The following NDUFS1 variants were observed in gnomAD, a reference collection of about 807,000 sequenced individuals.
The protein encoded by NDUFS1 is NADH:ubiquinone oxidoreductase core subunit S1.
A neutral mutation model predicts 84.4 loss-of-function variants in NDUFS1; 61 were observed. That is an observed-to-expected ratio of 0.72 (90% CI 0.59 to 0.89). NDUFS1 has a LOEUF of 0.89. NDUFS1 is among the 40% of genes least tolerant of loss of function. The probability of loss-of-function intolerance (pLI) is 0.00; values close to 1 mark genes in which losing one functional copy is unlikely to be tolerated. For synonymous variants in NDUFS1, 275 were observed against 290.0 expected (o/e 0.95, Z 0.53); for missense variants, 891 against 890.0 (o/e 1.00, Z -0.01).
chr2:206,157,342 G>A (rs1305313723), intron 1 of NDUFS1, among the ~76,000 whole-genome samples: 3 of 151,462 alleles, frequency 2.0e-5, no homozygotes, highest in Non-Finnish European at 4.4e-5. Flanking sequence ...TTACTAAACT[G>A]TAGGTTAGTA....
chr2:206,150,081 C>A lies in NDUFS1; in HGVS notation c.154-156G>T, dbSNP rs10168865. Among the ~76,000 whole-genome samples the A allele has an allele frequency of 0.027, 3,964 of 145,458 alleles. 178 individuals carry two copies. Among genetic ancestry groups the A allele is most frequent in the African/African-American group, 0.097 (3,769 of 38,704 alleles). On this transcript the variant is annotated intron_variant, in intron 3 of 18. Coordinates refer to ENST00000233190, the MANE Select transcript of NDUFS1 (RefSeq NM_005006.7). ...AATTCATTCTTATTTCAGTCCCTTT[C>A]TTTGCCTTTGATTCTAACCCGTCTC...
intron 13 of NDUFS1, among the ~76,000 whole-genome samples, chr2:206,137,381 G>T (rs1691759890): frequency 6.6e-6 from 1 of 152,016 alleles, no homozygotes; most frequent in Non-Finnish European, 1.5e-5. Context: ...GGCTAAGGCA[G>T]GAGAATGAAC....
intron 1 of NDUFS1, among the ~76,000 whole-genome samples, chr2:206,155,079 A>G (rs1188145546): frequency 1.3e-5 from 2 of 151,736 alleles, no homozygotes; most frequent in African/African-American, 4.8e-5. Flanking sequence ...ACAGGCATGC[A>G]CAACCATGCC....
At chr2:206,145,891 A>T (rs979745639) in intron 8 of NDUFS1, among the ~76,000 whole-genome samples, 2 of 152,184 alleles carry the variant, frequency 1.3e-5, no homozygotes, top group African/African-American at 4.8e-5. Flanking sequence ...GAGGATAGCC[A>T]AGATTTTACC....
At chr2:206,147,928 T>A (rs1265198572) in intron 5 of NDUFS1, 94 bp from the exon 6 acceptor site, 4 of 1,215,936 alleles carry the variant, frequency 3.3e-6, no homozygotes, top group African/African-American at 3.0e-5. Flanking sequence ...ACTTTATTTT[T>A]TTTTTTTGAG....
chr2:206,123,938 A>G lies in NDUFS1; in HGVS notation c.*247T>C. Reference sequence around the variant, plus strand: ...TTAAGGATCTCTTTATGTTCGTCACAAAGGTTATCAATGCTTTTAAGAGCA... The same window carrying G: ...TTAAGGATCTCTTTATGTTCGTCACGAAGGTTATCAATGCTTTTAAGAGCA... On this transcript the variant is annotated 3_prime_UTR_variant, in exon 19 of 19. Transcript: ENST00000233190. 1 of 417,064 alleles carries G rather than the reference A, an allele frequency of 2.4e-6. No homozygotes were observed. The highest frequency in any genetic ancestry group is 4.9e-5 in the South Asian group (1 of 20,596). 25.8% of individuals were successfully genotyped at this position (417,064 alleles called of 1,614,324 possible).
chr2:206,138,239 C>T (rs753144682), intron 13 of NDUFS1, among the ~76,000 whole-genome samples: 4 of 152,068 alleles, frequency 2.6e-5, no homozygotes, highest in Non-Finnish European at 5.9e-5. Flanking sequence ...TACAGGCGCA[C>T]GCTAACTTTG....
In NDUFS1 at chr2:206,145,020, TG is replaced by T; in HGVS notation, c.743del (p.Thr248LysfsTer6). ...FTARPWETRK[T>X]ESIDVMDAVG... ...CCGCATCCATTACATCAATGGATTC[TG>T]TCTTTCTGAGAAACACATACGGTGT... On this transcript the variant is annotated frameshift_variant, in exon 9 of 19. Coordinates refer to ENST00000233190, the MANE Select transcript of NDUFS1 (RefSeq NM_005006.7). LOFTEE classifies it high-confidence loss of function. The T allele has an allele frequency of 6.2e-7, 1 of 1,613,754 alleles. No homozygotes were observed. The highest frequency in any genetic ancestry group is 8.5e-7 in the Non-Finnish European group (1 of 1,179,810).
rs1215947548 is a variant in NDUFS1 at position 206,119,386 on chromosome 2, A to C, written c.*4799T>G. 1 of 152,144 alleles carries C rather than the reference A, an allele frequency of 6.6e-6. No homozygotes were observed. The highest frequency in any genetic ancestry group is 1.5e-5 in the Non-Finnish European group (1 of 68,012). The allele number at this position is 152,144 out of a possible 1,614,324, so 9.4% of individuals were successfully genotyped here. On this transcript the variant is annotated 3_prime_UTR_variant, in exon 19 of 19. Transcript: ENST00000233190. ...TGTCAACAACAAACAATAAATTGGT[A>C]CTGGGTATTGTCAAATATATTTTTT...
chr2:206,151,842 G>C (rs777864984), intron 3 of NDUFS1, among the ~76,000 whole-genome samples: 3 of 152,098 alleles, frequency 2.0e-5, no homozygotes, highest in Non-Finnish European at 4.4e-5. Flanking sequence ...CTTACCTATA[G>C]TAACTAATTT....
chr2:206,130,323 C>T (rs1422916765), intron 14 of NDUFS1, 81 bp from the exon 15 acceptor site: 2 of 1,521,254 alleles, frequency 1.3e-6, no homozygotes, highest in Non-Finnish European at 1.8e-6. Context: ...GAATAATTTC[C>T]TTTCAACAAT....
In NDUFS1 at chr2:206,115,137, T is replaced by C. The variant is rs765470115; in HGVS notation, c.*9048A>G. 6.6e-5 allele frequency: 10 copies of C among 152,366 alleles called. No individual in the cohort carries two copies. The highest frequency in any genetic ancestry group is 5.2e-4 in the Admixed American group (8 of 15,306). 9.4% of individuals were successfully genotyped at this position (152,366 alleles called of 1,614,324 possible). A position where few individuals can be genotyped will look rare whatever the true frequency, so the allele number is the denominator to read the frequency against. ...AATCATGCCTTGAGTCTCACTCATATCTGATTTAGATGAGACTTTGGACTT... is the reference window on the plus strand; with the variant it reads ...AATCATGCCTTGAGTCTCACTCATACCTGATTTAGATGAGACTTTGGACTT... On this transcript the variant is annotated 3_prime_UTR_variant, in exon 19 of 19. Transcript: ENST00000233190.
intron 14 of NDUFS1, 135 bp from the exon 15 acceptor site, chr2:206,130,377 T>C (rs921154475): frequency 5.3e-6 from 6 of 1,124,168 alleles, no homozygotes; most frequent in Non-Finnish European, 7.6e-6. Flanking sequence ...TTCTCGGCGA[T>C]AGAGTCTCAC....
Position 206,140,930 on chromosome 2 carries a change from A to ATATATATATACACACACATATACAC in NDUFS1, c.1262+1010_1262+1011insGTGTATATGTGTGTGTATATATATA, listed in dbSNP as rs1559053860. On this transcript the variant is annotated intron_variant, in intron 12 of 18. Transcript: ENST00000233190. ...ACATATATATGTAGTGTGTATATAT[A>ATATATATATACACACACATATACAC]TATATATATATATACACACACACTG... Among the ~76,000 whole-genome samples, 271 of 134,770 alleles carry ATATATATATACACACACATATACAC rather than the reference A, an allele frequency of 2.0e-3. 1 individual carries two copies. Among genetic ancestry groups the ATATATATATACACACACATATACAC allele is most frequent in the African/African-American group, 7.7e-3 (259 of 33,676 alleles). 88.4% of individuals were successfully genotyped at this position (134,770 alleles called of 152,430 possible). A position where few individuals can be genotyped will look rare whatever the true frequency, so the allele number is the denominator to read the frequency against.
At chr2:206,125,316 G>C (rs1691247779) in intron 18 of NDUFS1, among the ~76,000 whole-genome samples, 1 of 152,048 alleles carries the variant, frequency 6.6e-6, no homozygotes, top group South Asian at 2.1e-4. Flanking sequence ...ACAAAAATTA[G>C]CTGGATGTGG....
chr2:206,139,096 A>G (rs1691833895), intron 12 of NDUFS1, among the ~76,000 whole-genome samples: 1 of 152,004 alleles, frequency 6.6e-6, no homozygotes, highest in Non-Finnish European at 1.5e-5. Context: ...AGCCTGGGTA[A>G]CAAGAGCAAA....
intron 5 of NDUFS1, among the ~76,000 whole-genome samples, chr2:206,148,261 T>C (rs1692237201): frequency 6.6e-6 from 1 of 152,182 alleles, no homozygotes; most frequent in African/African-American, 2.4e-5. Context: ...CATAGATGTA[T>C]ATTTGTTATA....
At chr2:206,128,102 A>G in intron 15 of NDUFS1, 130 bp from the exon 16 acceptor site, 1 of 970,690 alleles carries the variant, frequency 1.0e-6, no homozygotes, top group Non-Finnish European at 1.6e-6. Flanking sequence ...CTAAAATGAA[A>G]CAGTAGTGAA....
chr2:206,128,413 G>A (rs918261922), intron 15 of NDUFS1, among the ~76,000 whole-genome samples: 6 of 151,540 alleles, frequency 4.0e-5, no homozygotes, highest in Admixed American at 1.3e-4. Flanking sequence ...TGATCCACCC[G>A]CCTCAGCCTC....
Sources: allele counts gnomAD v4.1 joint callset (sites outside exome capture counted in the v4.1 genomes callset), GRCh38; gene constraint gnomAD v4.1.1; transcripts MANE v1.5; gene names NCBI Gene and HGNC (gene_info 2026-07-23, HGNC 2026-07-21).